The following KCNMA1 variants were observed in gnomAD, a reference collection of about 807,000 sequenced individuals.
KCNMA1 encodes potassium calcium-activated channel subfamily M alpha 1.
A neutral mutation model predicts 140.0 loss-of-function variants in KCNMA1; 29 were observed. The observed-to-expected ratio is 0.21, with a 90% CI of 0.15 to 0.28. The LOEUF (loss-of-function observed/expected upper bound fraction) is 0.28. Ranked by LOEUF, KCNMA1 falls within the 10% of genes least tolerant of loss-of-function variation. The pLI is 1.00. For synonymous variants in KCNMA1, 612 were observed against 611.9 expected (o/e 1.00, Z 0.00); for missense variants, 880 against 1,602.2 (o/e 0.55, Z 7.70).
At chr10:76,921,739 A>C (rs1469621459) in intron 23 of KCNMA1, among the ~76,000 whole-genome samples, 1 of 152,214 alleles carries the variant, frequency 6.6e-6, no homozygotes, top group Non-Finnish European at 1.5e-5. Context: ...TTGCTTTCTA[A>C]CTTGTAGGGG....
At chr10:77,567,064 C>T (rs2068588187) in intron 1 of KCNMA1, among the ~76,000 whole-genome samples, 1 of 152,102 alleles carries the variant, frequency 6.6e-6, no homozygotes, top group Non-Finnish European at 1.5e-5. Flanking sequence ...AGCTCAGGCC[C>T]TGGGGGAGCC....
At position 77,018,890 on chromosome 10, in the gene KCNMA1, T is replaced by C. The variant is rs1593794094; in HGVS notation, c.2015+123A>G. On this transcript the variant is annotated intron_variant, in intron 17 of 27. Transcript: ENST00000286628. ...AACTGGAGTCCGTGGAAGTTTTTCT[T>C]ACACCAGTTGATGGCCATAGACATG... The C allele has an allele frequency of 6.9e-5, 48 of 698,658 alleles. 1 individual carries two copies. In the South Asian group the frequency reaches 7.5e-4, roughly 11 times the overall value. The allele number at this position is 698,658 out of a possible 1,614,324, so 43.3% of individuals were successfully genotyped here.
intron 2 of KCNMA1, among the ~76,000 whole-genome samples, chr10:77,333,350 CAAAAAA>C (rs68185333): frequency 9.5e-6 from 1 of 105,612 alleles, no homozygotes; most frequent in African/African-American, 3.4e-5. Flanking sequence ...CCATGTCTAC[CAAAAAA>C]AAAAAAAAGA....
chr10:77,045,134 T>C (rs976777999), intron 14 of KCNMA1, among the ~76,000 whole-genome samples: 9 of 152,218 alleles, frequency 5.9e-5, no homozygotes, highest in African/African-American at 1.9e-4. Flanking sequence ...ACAACTTCTT[T>C]CCTAAAATAG....
chr10:77,143,163 C>G (rs1051889532), intron 5 of KCNMA1, among the ~76,000 whole-genome samples: 1 of 152,014 alleles, frequency 6.6e-6, no homozygotes, highest in Non-Finnish European at 1.5e-5. Context: ...ATAGACACAA[C>G]AATCCTTAAA....
chr10:77,265,385 C>T (rs894810347), intron 2 of KCNMA1, among the ~76,000 whole-genome samples: 1 of 152,178 alleles, frequency 6.6e-6, no homozygotes, highest in Admixed American at 6.5e-5. Flanking sequence ...TCAGGTGATG[C>T]TGATGCTGCT....
intron 1 of KCNMA1, among the ~76,000 whole-genome samples, chr10:77,417,151 A>C (rs2096759784): frequency 6.6e-6 from 1 of 152,116 alleles, no homozygotes; most frequent in Non-Finnish European, 1.5e-5. Flanking sequence ...GGTGCAGTGA[A>C]GTTCTCCTTC....
At chr10:76,872,684 A>G (rs1447709397), downstream of KCNMA1, 1 of 152,142 alleles carries the variant, frequency 6.6e-6, no homozygotes, top group Non-Finnish European at 1.5e-5. Context: ...AAACCCTCAT[A>G]TTCCACATCT....
At chr10:77,109,402 T>C (rs975377103) in intron 8 of KCNMA1, among the ~76,000 whole-genome samples, 3 of 21,388 alleles carry the variant, frequency 1.4e-4, no homozygotes, top group African/African-American at 6.5e-4. Context: ...GCTTCATAAA[T>C]GGCAAAAAAA....
chr10:77,524,021 C>G (rs1014785350), intron 1 of KCNMA1, among the ~76,000 whole-genome samples: 12 of 152,186 alleles, frequency 7.9e-5, no homozygotes, highest in Non-Finnish European at 1.5e-4. Flanking sequence ...GTGCTTATTT[C>G]ACATTGCATG....
At chr10:76,918,949 T>TACACACAC (rs1564903683) in intron 23 of KCNMA1, among the ~76,000 whole-genome samples, 1 of 138,516 alleles carries the variant, frequency 7.2e-6, no homozygotes, top group South Asian at 2.3e-4. Context: ...CACACACACA[T>TACACACAC]ATATATGTGA....
intron 2 of KCNMA1, among the ~76,000 whole-genome samples, chr10:77,379,033 G>A (rs937742005): frequency 1.3e-5 from 2 of 152,124 alleles, no homozygotes; most frequent in Non-Finnish European, 2.9e-5. Context: ...TAATTGTCTG[G>A]TTTCTAGAAG....
chr10:76,954,045 G>A (rs1452058578), intron 20 of KCNMA1, 121 bp from the exon 21 acceptor site: 15 of 1,108,632 alleles, frequency 1.4e-5, no homozygotes, highest in Non-Finnish European at 1.9e-5. Flanking sequence ...GTCACTGAAG[G>A]CCATTCTTCT....
chr10:77,199,855 C>T (rs2041893777), intron 3 of KCNMA1, among the ~76,000 whole-genome samples: 1 of 152,180 alleles, frequency 6.6e-6, no homozygotes, highest in Admixed American at 6.5e-5. Context: ...CAAGGCCAGA[C>T]AGGAGACGGT....
chr10:77,509,191 G>A (rs12773034), intron 1 of KCNMA1, among the ~76,000 whole-genome samples: 22,968 of 151,840 alleles, frequency 0.15, 2,038 homozygotes, highest in Middle Eastern at 0.25. Flanking sequence ...TGCAATCTCG[G>A]CTCACTGCAA....
chr10:76,880,787 A>G (rs1243619604), downstream of KCNMA1, among the ~76,000 whole-genome samples: 1 of 152,188 alleles, frequency 6.6e-6, no homozygotes, highest in Non-Finnish European at 1.5e-5. Context: ...ACAAGGATAA[A>G]TCCAAATCCC....
At chr10:76,972,938 T>C (rs2076477668) in intron 19 of KCNMA1, 1 of 152,236 alleles carries the variant, frequency 6.6e-6, no homozygotes, top group Admixed American at 6.5e-5. Flanking sequence ...AAAGCAGATC[T>C]AGGAAAACTT....
intron 19 of KCNMA1, among the ~76,000 whole-genome samples, chr10:76,993,718 A>G (rs572898748): frequency 2.6e-5 from 4 of 152,304 alleles, no homozygotes; most frequent in African/African-American, 9.6e-5. Flanking sequence ...CTGTTAGGTC[A>G]CTTCCCTGAT....
chr10:77,581,410 G>A (rs542322867), intron 1 of KCNMA1, among the ~76,000 whole-genome samples: 1 of 152,012 alleles, frequency 6.6e-6, no homozygotes, highest in South Asian at 2.1e-4. Context: ...CCGGGTTCAC[G>A]GCATTCTCCT....
Sources: allele counts gnomAD v4.1 joint callset (sites outside exome capture counted in the v4.1 genomes callset), GRCh38; gene constraint gnomAD v4.1.1; transcripts MANE v1.5; gene names NCBI Gene and HGNC (gene_info 2026-07-23, HGNC 2026-07-21).